SLC25A21: variants seen among roughly 807,000 people sequenced by gnomAD.
The protein encoded by SLC25A21 is solute carrier family 25 member 21, also known as mitochondrial 2-oxodicarboxylate carrier.
A neutral mutation model predicts 43.8 loss-of-function variants in SLC25A21; 47 were observed. The ratio of observed to expected loss-of-function variants is 1.07; its 90% CI spans 0.85 to 1.37. The LOEUF (loss-of-function observed/expected upper bound fraction) is 1.37, where lower values mean the gene tolerates loss of function less well. Among genes scored for constraint, SLC25A21 ranks in the 40% most tolerant of loss-of-function variants. SLC25A21 has a pLI of 0.00. For missense variants in SLC25A21, 352 were observed against 350.2 expected (o/e 1.00, Z -0.04); for synonymous variants, 131 against 121.3 (o/e 1.08, Z -0.52).
At chr14:36,811,200 T>C (rs1888250960) in intron 3 of SLC25A21, among the ~76,000 whole-genome samples, 1 of 152,208 alleles carries the variant, frequency 6.6e-6, no homozygotes, top group Non-Finnish European at 1.5e-5. Flanking sequence ...ATGAGGTATA[T>C]TTTTATATAT....
At chr14:36,967,538 C>T (rs527398730) in intron 1 of SLC25A21, among the ~76,000 whole-genome samples, 1 of 152,314 alleles carries the variant, frequency 6.6e-6, no homozygotes, top group African/African-American at 2.4e-5. Context: ...ACCCAAAACG[C>T]GGGCTTGCTA....
At chr14:36,795,480 G>C (rs1227203067) in intron 3 of SLC25A21, among the ~76,000 whole-genome samples, 1 of 152,218 alleles carries the variant, frequency 6.6e-6, no homozygotes, top group Non-Finnish European at 1.5e-5. Context: ...ACAGCTTGCA[G>C]AAAGTGTAAA....
chr14:36,853,549 C>T (rs1281931491), intron 2 of SLC25A21, among the ~76,000 whole-genome samples: 1 of 152,214 alleles, frequency 6.6e-6, no homozygotes, highest in Non-Finnish European at 1.5e-5. Context: ...CCCGGGTCAT[C>T]AGCTCCCCGT....
intron 2 of SLC25A21, among the ~76,000 whole-genome samples, chr14:36,842,696 T>C (rs1889422491): frequency 6.6e-6 from 1 of 152,122 alleles, no homozygotes; most frequent in African/African-American, 2.4e-5. Flanking sequence ...CCACCTTTGA[T>C]ATAAGCAGGA....
chr14:37,073,736 TA>T (rs1962221043), intron 1 of SLC25A21, among the ~76,000 whole-genome samples: 1 of 152,180 alleles, frequency 6.6e-6, no homozygotes, highest in Non-Finnish European at 1.5e-5. Context: ...GTGTCCAGGT[TA>T]AATGCTCTGC....
intron 6 of SLC25A21, among the ~76,000 whole-genome samples, chr14:36,719,501 G>T (rs758904633): frequency 2.0e-5 from 3 of 152,166 alleles, no homozygotes; most frequent in African/African-American, 7.2e-5. Flanking sequence ...ACCAGAGCAT[G>T]ACAAAGCTAT....
chr14:37,051,075 T>C (rs1385142194), intron 1 of SLC25A21, among the ~76,000 whole-genome samples: 2 of 152,244 alleles, frequency 1.3e-5, no homozygotes, highest in African/African-American at 4.8e-5. Flanking sequence ...TGTTCATGTA[T>C]TAGTTTACAT....
At chr14:36,850,929 TC>T (rs1245835515) in intron 2 of SLC25A21, among the ~76,000 whole-genome samples, 1 of 152,206 alleles carries the variant, frequency 6.6e-6, no homozygotes, top group Non-Finnish European at 1.5e-5. Flanking sequence ...GAGAGTCCTT[TC>T]TTCTACCTAT....
At chr14:36,982,421 G>T (rs1011207985) in intron 1 of SLC25A21, among the ~76,000 whole-genome samples, 9 of 152,102 alleles carry the variant, frequency 5.9e-5, no homozygotes, top group African/African-American at 2.2e-4. Flanking sequence ...TCCTGTTGGG[G>T]CTCGCACACA....
chr14:36,733,210 G>A (rs1884901605), intron 4 of SLC25A21, among the ~76,000 whole-genome samples: 1 of 152,178 alleles, frequency 6.6e-6, no homozygotes, highest in Non-Finnish European at 1.5e-5. Flanking sequence ...ATTCCATGCA[G>A]ACAAAGTGAC....
chr14:36,883,424 C>A (rs1361129353), intron 1 of SLC25A21, among the ~76,000 whole-genome samples: 3 of 152,182 alleles, frequency 2.0e-5, no homozygotes, highest in African/African-American at 4.8e-5. Flanking sequence ...CCCTCCTTAG[C>A]CCAGCACTGA....
chr14:36,940,801 A>G (rs939722864), intron 1 of SLC25A21, among the ~76,000 whole-genome samples: 6 of 152,114 alleles, frequency 3.9e-5, no homozygotes, highest in African/African-American at 1.4e-4. Context: ...CTGATACTGA[A>G]AAAGGACAAA....
intron 6 of SLC25A21, among the ~76,000 whole-genome samples, chr14:36,716,977 G>A (rs1014812682): frequency 6.6e-6 from 1 of 152,156 alleles, no homozygotes; most frequent in Non-Finnish European, 1.5e-5. Context: ...GTGTTGTACC[G>A]GATTTCATCA....
At chr14:36,719,694 C>T (rs1884298259) in intron 6 of SLC25A21, among the ~76,000 whole-genome samples, 1 of 152,164 alleles carries the variant, frequency 6.6e-6, no homozygotes, top group Admixed American at 6.5e-5. Context: ...ACAAGCACAC[C>T]TATTAAAATA....
intron 7 of SLC25A21, among the ~76,000 whole-genome samples, chr14:36,696,960 T>A (rs761295446): frequency 3.9e-5 from 6 of 152,202 alleles, no homozygotes; most frequent in South Asian, 2.1e-4. Flanking sequence ...AGCTTTCGAA[T>A]GTGTTTGCTC....
intron 5 of SLC25A21, among the ~76,000 whole-genome samples, chr14:36,726,422 G>GAC (rs1304509917): frequency 1.3e-5 from 2 of 149,440 alleles, no homozygotes; most frequent in African/African-American, 2.5e-5. Flanking sequence ...AACAGAGTGA[G>GAC]ACCCTGTCTC....
At chr14:36,954,052 G>T (rs1959260584) in intron 1 of SLC25A21, among the ~76,000 whole-genome samples, 2 of 152,098 alleles carry the variant, frequency 1.3e-5, no homozygotes, top group Admixed American at 6.5e-5. Flanking sequence ...TGATTCTGTA[G>T]AACCAGACTA....
At chr14:36,729,438 GTTT>G in intron 5 of SLC25A21, 66 bp downstream of exon 5, 1 of 1,220,330 alleles carries the variant, frequency 8.2e-7, no homozygotes, top group Non-Finnish European at 1.1e-6. Context: ...AATCAAAAGA[GTTT>G]TTGTTTCTAG....
intron 1 of SLC25A21, among the ~76,000 whole-genome samples, chr14:36,881,940 T>C (rs1349012086): frequency 5.3e-5 from 8 of 152,234 alleles, no homozygotes; most frequent in African/African-American, 1.9e-4. Flanking sequence ...ACAATGTTAT[T>C]ATACACTGTT....
Sources: allele counts gnomAD v4.1 joint callset (sites outside exome capture counted in the v4.1 genomes callset), GRCh38; gene constraint gnomAD v4.1.1; transcripts MANE v1.5; gene names NCBI Gene and HGNC (gene_info 2026-07-23, HGNC 2026-07-21).